DDX46: variants seen among roughly 807,000 people sequenced by gnomAD.
The protein encoded by DDX46 is DEAD-box helicase 46.
DDX46 carries 30 observed loss-of-function variants against 134.9 expected under a neutral mutation model. The observed-to-expected ratio is 0.22, with a 90% CI of 0.17 to 0.30. DDX46 has a LOEUF of 0.30. DDX46 is among the 10% of genes least tolerant of loss of function. DDX46 has a pLI of 1.00. For synonymous variants in DDX46, 415 were observed against 404.1 expected, an observed-to-expected ratio of 1.03 and a Z score of -0.32; for missense variants, 622 against 1,248.7, an observed-to-expected ratio of 0.50 and a Z score of 7.56.
chr5:134,797,167 CAAAAAAAAAAAAAAAAA>C (rs61547263), intron 15 of DDX46: 1 of 22,272 alleles, frequency 4.5e-5, no homozygotes, highest in African/African-American at 1.5e-4. Context: ...AACTCCGTCT[CAAAAAAAAAAAAAAAAA>C]AAAAAAAAAA....
chr5:134,783,169 T>TA, intron 9 of DDX46, 104 bp downstream of exon 9: 7 of 1,447,054 alleles, frequency 4.8e-6, no homozygotes, highest in Non-Finnish European at 6.5e-6. Context: ...AAAAAACCCT[T>TA]ACGTTTTAAA....
At chr5:134,799,012 T>A (rs1412649567) in intron 15 of DDX46, among the ~76,000 whole-genome samples, 1 of 152,202 alleles carries the variant, frequency 6.6e-6, no homozygotes, top group Admixed American at 6.5e-5. Flanking sequence ...AATTGGTGGT[T>A]TTAAGTAATC....
Position 134,764,021 on chromosome 5 carries a change from A to G in DDX46, c.135A>G (p.Arg45=), listed in dbSNP as rs1753480011. The part of the protein sequence containing the change: ...GDDRRSRSRD[R]DRRRERSRSR... Reference sequence around the variant, plus strand: ...ACAGACGGTCTAGAAGTAGAGATAGAGATAGGAGGAGAGAGAGGTCTCGTA... The same window carrying G: ...ACAGACGGTCTAGAAGTAGAGATAGGGATAGGAGGAGAGAGAGGTCTCGTA... Residue 45 remains arginine, a synonymous_variant, in exon 2 of 23, where the codon AGA becomes AGG. Transcript: ENST00000452510. 6.2e-7 allele frequency: 1 copy of G among 1,614,096 alleles called. No homozygotes were observed. Among genetic ancestry groups the G allele is most frequent in the Non-Finnish European group, 8.5e-7 (1 of 1,180,048 alleles).
chr5:134,786,861 G>A (rs184215455), intron 11 of DDX46, among the ~76,000 whole-genome samples: 4 of 152,186 alleles, frequency 2.6e-5, no homozygotes, highest in South Asian at 2.1e-4. Context: ...TGGCGGAAGT[G>A]ATGGTGATTA....
intron 3 of DDX46, among the ~76,000 whole-genome samples, chr5:134,767,352 C>A (rs1251240428): frequency 6.6e-6 from 1 of 152,038 alleles, no homozygotes; most frequent in Non-Finnish European, 1.5e-5. Flanking sequence ...CTGTCATTTT[C>A]TTTTCAGGCA....
intron 21 of DDX46, among the ~76,000 whole-genome samples, chr5:134,820,786 C>G (rs980004984): frequency 6.6e-6 from 1 of 151,858 alleles, no homozygotes; most frequent in African/African-American, 2.4e-5. Flanking sequence ...AGAGAAATTT[C>G]TAGCTGTAAA....
chr5:134,788,036 A>G (rs1220391551), intron 11 of DDX46, among the ~76,000 whole-genome samples: 1 of 151,938 alleles, frequency 6.6e-6, no homozygotes, highest in Non-Finnish European at 1.5e-5. Flanking sequence ...AAAAAAAAAA[A>G]AAAAAAAAGC....
intron 5 of DDX46, among the ~76,000 whole-genome samples, chr5:134,776,870 C>T (rs370183518): frequency 2.2e-4 from 32 of 144,732 alleles, no homozygotes; most frequent in African/African-American, 6.2e-4. Context: ...GCTGAGATCG[C>T]GACACTGCAC....
intron 21 of DDX46, among the ~76,000 whole-genome samples, chr5:134,823,360 C>T (rs745643488): frequency 2.6e-5 from 4 of 151,674 alleles, no homozygotes; most frequent in Non-Finnish European, 2.9e-5. Flanking sequence ...AGGATGGTCT[C>T]GATCTCCTGA....
chr5:134,774,549 A>C (rs1239564783), intron 5 of DDX46, among the ~76,000 whole-genome samples: 1 of 152,200 alleles, frequency 6.6e-6, no homozygotes, highest in Non-Finnish European at 1.5e-5. Context: ...TGTGTTTAGT[A>C]AGCATCACTG....
At position 134,828,608 on chromosome 5, in the gene DDX46, T is replaced by C. The variant is rs759629996; in HGVS notation, c.3052-51T>C. ...TTGGTTGGTTCGTTTTTTTTTTTTGTTTTTTTTGTTTTGCTTTCTCTGATG... is the reference window on the plus strand; with the variant it reads ...TTGGTTGGTTCGTTTTTTTTTTTTGCTTTTTTTGTTTTGCTTTCTCTGATG... On this transcript the variant is annotated intron_variant, in intron 22 of 22. Coordinates refer to ENST00000452510, the MANE Select transcript of DDX46 (RefSeq NM_001300860.2). 1.1e-4 allele frequency: 147 copies of C among 1,289,352 alleles called. 1 individual carries two copies. The highest frequency in any genetic ancestry group is 1.5e-4 in the Non-Finnish European group (142 of 973,368). 79.9% of individuals were successfully genotyped at this position (1,289,352 alleles called of 1,614,324 possible).
In DDX46 at chr5:134,758,795, C is replaced by A; in HGVS notation, c.-144C>A. 1 of 1,325,678 alleles carries A rather than the reference C, an allele frequency of 7.5e-7. No individual in the cohort carries two copies. Among genetic ancestry groups the A allele is most frequent in the Non-Finnish European group, 1.1e-6 (1 of 943,892 alleles). The allele number at this position is 1,325,678 out of a possible 1,614,324, so 82.1% of individuals were successfully genotyped here. ...CAGCACGTCCTGTTTTCGTTGGCCG[C>A]GCTGGGATGGCCGCCACAGCTGTAG... On this transcript the variant is annotated 5_prime_UTR_variant, in exon 1 of 23. Coordinates refer to ENST00000452510, the MANE Select transcript of DDX46 (RefSeq NM_001300860.2).
At chr5:134,776,490 T>C (rs1753940969) in intron 5 of DDX46, among the ~76,000 whole-genome samples, 1 of 152,152 alleles carries the variant, frequency 6.6e-6, no homozygotes, top group African/African-American at 2.4e-5. Context: ...TGTCTTCACA[T>C]TGAGTAGGCT....
In DDX46 at chr5:134,823,665, C is replaced by A. The variant is rs145815197; in HGVS notation, c.2978-3282C>A. 7.2e-5 allele frequency among the ~76,000 whole-genome samples: 11 copies of A among 152,260 alleles called. No individual in the cohort carries two copies. In the South Asian group the frequency reaches 8.3e-4, roughly 11 times the overall value. ...TGAAATACTTTTGGTCTGCCAATGA[C>A]CCAGTATGTTTCTAACTCAGGTGAC... is the stretch of plus-strand genomic sequence containing the variant. On this transcript the variant is annotated intron_variant, in intron 21 of 22. Coordinates refer to ENST00000452510, the MANE Select transcript of DDX46 (RefSeq NM_001300860.2).
chr5:134,792,459 C>T (rs1428551647), intron 13 of DDX46, among the ~76,000 whole-genome samples: 1 of 152,098 alleles, frequency 6.6e-6, no homozygotes, highest in African/African-American at 2.4e-5. Context: ...GGTGTTCAAG[C>T]AGAGTCAAGG....
At chr5:134,828,601 T>G in intron 22 of DDX46, 58 bp from the exon 23 acceptor site, 1 of 1,248,682 alleles carries the variant, frequency 8.0e-7, no homozygotes, top group Non-Finnish European at 1.1e-6. Flanking sequence ...TTCGTTTTTT[T>G]TTTTTGTTTT....
rs564270117 is a variant in DDX46 at position 134,793,156 on chromosome 5, C to G, written c.1627-1694C>G. On this transcript the variant is annotated intron_variant, in intron 13 of 22. Transcript: ENST00000452510. Reference sequence around the variant, plus strand: ...TGGGCGACAGAGTGAGACCGTGTCTCAAGAAAAAAGAGGAAAATTTCGATT... The same window carrying G: ...TGGGCGACAGAGTGAGACCGTGTCTGAAGAAAAAAGAGGAAAATTTCGATT... 3.3e-5 allele frequency among the ~76,000 whole-genome samples: 5 copies of G among 151,762 alleles called. No homozygotes were observed. The East Asian group carries it at 9.7e-4, about 29-fold the overall frequency.
At chr5:134,806,996 T>C (rs1364806426) in intron 15 of DDX46, among the ~76,000 whole-genome samples, 1 of 152,176 alleles carries the variant, frequency 6.6e-6, no homozygotes, top group Non-Finnish European at 1.5e-5. Flanking sequence ...CCTAAGGTTT[T>C]TTAAAATGCA....
chr5:134,771,650 C>T lies in DDX46; in HGVS notation c.447+651C>T, dbSNP rs574023945. ...CCGGGAGGCAGAGCTTGCAGTGAGC[C>T]GAGATTGGGCCACTGTACTCCAGCC... On this transcript the variant is annotated intron_variant, in intron 4 of 22. Coordinates refer to ENST00000452510, the MANE Select transcript of DDX46 (RefSeq NM_001300860.2). Among the ~76,000 whole-genome samples the T allele has an allele frequency of 8.1e-3, 1,228 of 151,638 alleles. 17 individuals are homozygous for T. Among genetic ancestry groups the T allele is most frequent in the African/African-American group, 0.027 (1,119 of 41,408 alleles).
Sources: gnomAD v4.1 joint callset for allele counts (sites outside exome capture counted in the v4.1 genomes callset) on GRCh38, gnomAD v4.1.1 for gene constraint, MANE v1.5 for transcripts, NCBI Gene and HGNC (gene_info 2026-07-23, HGNC 2026-07-21) for gene names.